Variants in LRRC4C observed in about 807,000 individuals in gnomAD.
The protein encoded by LRRC4C is leucine rich repeat containing 4C, also known as leucine-rich repeat-containing protein 4C.
Under a neutral mutation model 33.6 loss-of-function variants are expected in LRRC4C, and 5 were observed. The ratio of observed to expected loss-of-function variants is 0.15; its 90% CI spans 0.08 to 0.31. The LOEUF (loss-of-function observed/expected upper bound fraction) is 0.31. Among genes scored for constraint, LRRC4C ranks in the 10% least tolerant of loss-of-function variants. The pLI is 1.00. For missense variants in LRRC4C, 560 were observed against 796.7 expected, an observed-to-expected ratio of 0.70 and a Z score of 3.58; for synonymous variants, 329 against 302.0, an observed-to-expected ratio of 1.09 and a Z score of -0.93.
At chr11:40,336,976 C>CAAAAAAAAA (rs34144874) in intron 3 of LRRC4C, among the ~76,000 whole-genome samples, 11 of 79,254 alleles carry the variant, frequency 1.4e-4, no homozygotes, top group East Asian at 6.0e-4. Flanking sequence ...GACTTCGTCT[C>CAAAAAAAAA]AAAAAAAAAA....
intron 1 of LRRC4C, among the ~76,000 whole-genome samples, chr11:41,234,895 C>T (rs1301125423): frequency 1.3e-5 from 2 of 152,004 alleles, no homozygotes; most frequent in African/African-American, 4.8e-5. Context: ...ACACCAGAAG[C>T]ATGGTTTTAA....
intron 2 of LRRC4C, among the ~76,000 whole-genome samples, chr11:40,921,232 T>C (rs1174576892): frequency 6.6e-6 from 1 of 152,048 alleles, no homozygotes; most frequent in Non-Finnish European, 1.5e-5. Context: ...TTGAAATGAA[T>C]CTCTAAAAGT....
intron 2 of LRRC4C, among the ~76,000 whole-genome samples, chr11:40,920,073 A>G (rs187175363): frequency 6.6e-6 from 1 of 152,290 alleles, no homozygotes; most frequent in Admixed American, 6.5e-5. Context: ...ATGCAATGCC[A>G]TTAATTTTTA....
At chr11:40,388,702 TGGAA>T (rs978720901) in intron 3 of LRRC4C, among the ~76,000 whole-genome samples, 193 of 152,318 alleles carry the variant, frequency 1.3e-3, no homozygotes, top group African/African-American at 4.6e-3. Flanking sequence ...CTGAGCTAGA[TGGAA>T]GGAATCCTGA....
intron 1 of LRRC4C, among the ~76,000 whole-genome samples, chr11:41,329,788 C>G (rs1252452161): frequency 6.6e-6 from 1 of 152,132 alleles, no homozygotes; most frequent in Non-Finnish European, 1.5e-5. Flanking sequence ...ATGGCAGACT[C>G]TACTGACATT....
chr11:40,968,569 A>G (rs1414081529), intron 1 of LRRC4C, among the ~76,000 whole-genome samples: 2 of 152,150 alleles, frequency 1.3e-5, no homozygotes, highest in South Asian at 2.1e-4. Context: ...TTAGGGGCCA[A>G]TAAAACTGGT....
chr11:40,551,200 T>C (rs930474547), intron 3 of LRRC4C, among the ~76,000 whole-genome samples: 2 of 152,078 alleles, frequency 1.3e-5, no homozygotes, highest in Non-Finnish European at 2.9e-5. Flanking sequence ...TATGGTTAAA[T>C]GGCTAAAACA....
chr11:41,072,591 G>T (rs1458996760), intron 1 of LRRC4C, among the ~76,000 whole-genome samples: 2 of 151,988 alleles, frequency 1.3e-5, no homozygotes, highest in Admixed American at 1.3e-4. Context: ...GACCTCCGCA[G>T]CCATGCTTCC....
intron 2 of LRRC4C, among the ~76,000 whole-genome samples, chr11:40,906,570 G>A (rs1001840423): frequency 2.6e-5 from 4 of 152,096 alleles, no homozygotes; most frequent in African/African-American, 9.7e-5. Context: ...TAAGTATAGT[G>A]TAAACAGGAC....
intron 3 of LRRC4C, among the ~76,000 whole-genome samples, chr11:40,448,877 C>T (rs1951761230): frequency 6.6e-6 from 1 of 152,174 alleles, no homozygotes; most frequent in Non-Finnish European, 1.5e-5. Flanking sequence ...AGTGTAAAAG[C>T]ATTCCTATTT....
chr11:41,127,858 C>T (rs1230557253), intron 1 of LRRC4C, among the ~76,000 whole-genome samples: 1 of 152,052 alleles, frequency 6.6e-6, no homozygotes, highest in Non-Finnish European at 1.5e-5. Context: ...GCATTGTGAA[C>T]AAGAAATAAT....
rs12294432 is a variant in LRRC4C, at chr11:40,554,986, G to T, written c.-270+93156C>A. 7.5e-3 allele frequency among the ~76,000 whole-genome samples: 1,081 copies of T among 143,362 alleles called. 91 individuals carry two copies. The highest frequency in any genetic ancestry group is 0.03 in the African/African-American group (1,037 of 34,174). The allele number at this position is 143,362 out of a possible 152,430, so 94.1% of individuals were successfully genotyped here. On this transcript the variant is annotated intron_variant, in intron 3 of 6. Transcript: ENST00000528697. ...TCCGCCCGCCTCGGCCTCCCAAAGTGCTGGGATTACAGGCGTGAGCCACCG... is the reference window on the plus strand; with the variant it reads ...TCCGCCCGCCTCGGCCTCCCAAAGTTCTGGGATTACAGGCGTGAGCCACCG...
At chr11:40,870,270 C>A (rs1270803118) in intron 2 of LRRC4C, among the ~76,000 whole-genome samples, 1 of 152,098 alleles carries the variant, frequency 6.6e-6, no homozygotes. Flanking sequence ...CTCATTATAA[C>A]TTATCAATGT....
chr11:40,119,312 CCTT>C (rs1365463120), intron 6 of LRRC4C, among the ~76,000 whole-genome samples: 6 of 152,262 alleles, frequency 3.9e-5, no homozygotes, highest in Admixed American at 1.3e-4. Flanking sequence ...GCTTTTGTGT[CCTT>C]CTCTATGACA....
At position 40,462,539 on chromosome 11, in the gene LRRC4C, A is replaced by C. The variant is rs191388017; in HGVS notation, c.-269-142818T>G. Among the ~76,000 whole-genome samples, 239 of 152,186 alleles carry C rather than the reference A, an allele frequency of 1.6e-3. 1 individual carries two copies. The highest frequency in any genetic ancestry group is 4.5e-3 in the Admixed American group (69 of 15,260). ...AGAGGCCAGGCATAATGCTTTGTAAACCTATTGAGATAAGAAGACAGATAA... is the reference window on the plus strand; with the variant it reads ...AGAGGCCAGGCATAATGCTTTGTAACCCTATTGAGATAAGAAGACAGATAA... On this transcript the variant is annotated intron_variant, in intron 3 of 6. Transcript: ENST00000528697.
At chr11:41,186,608 T>C (rs1202248488) in intron 1 of LRRC4C, among the ~76,000 whole-genome samples, 2 of 152,154 alleles carry the variant, frequency 1.3e-5, no homozygotes, top group African/African-American at 4.8e-5. Flanking sequence ...TTTGCACATC[T>C]CTCCTGAACA....
rs74856599 is a variant in LRRC4C at position 40,495,788 on chromosome 11, T to A, written c.-270+152354A>T. Among the ~76,000 whole-genome samples, 595 of 150,268 alleles carry A rather than the reference T, an allele frequency of 4.0e-3. 7 individuals are homozygous for A. The highest frequency in any genetic ancestry group is 0.013 in the African/African-American group (519 of 40,900). On this transcript the variant is annotated intron_variant, in intron 3 of 6. Coordinates refer to ENST00000528697, the MANE Select transcript of LRRC4C (RefSeq NM_001258419.2). ...GAAACCTCAGAACTTGGGACATCGA[T>A]TTTATTGAAGTTCTCAATAAACATG...
intron 2 of LRRC4C, among the ~76,000 whole-genome samples, chr11:40,868,073 T>A (rs981577217): frequency 1.3e-5 from 2 of 152,146 alleles, no homozygotes; most frequent in Non-Finnish European, 2.9e-5. Context: ...TTAGGATTAG[T>A]CATCTGGTTT....
intron 1 of LRRC4C, among the ~76,000 whole-genome samples, chr11:41,071,889 T>C (rs1038816958): frequency 5.9e-5 from 9 of 152,166 alleles, no homozygotes; most frequent in Admixed American, 1.3e-4. Flanking sequence ...CCAACCCTTA[T>C]GAATGACTTT....
Sources: allele counts gnomAD v4.1 joint callset (sites outside exome capture counted in the v4.1 genomes callset), GRCh38; gene constraint gnomAD v4.1.1; transcripts MANE v1.5; gene names NCBI Gene and HGNC (gene_info 2026-07-23, HGNC 2026-07-21).